The following ADK variants were observed in gnomAD, a reference collection of about 807,000 sequenced individuals.
The protein encoded by ADK is adenosine kinase, also known as N6,N6-dimethyladenosine kinase.
A neutral mutation model predicts 44.7 loss-of-function variants in ADK; 24 were observed. The ratio of observed to expected loss-of-function variants is 0.54; its 90% CI spans 0.39 to 0.76. ADK has a LOEUF of 0.76. Among genes scored for constraint, ADK ranks in the 30% least tolerant of loss-of-function variants. The probability of loss-of-function intolerance (pLI) is 0.00; values close to 1 mark genes in which losing one functional copy is unlikely to be tolerated. For synonymous variants in ADK, 128 were observed against 142.6 expected (o/e 0.90, Z 0.73); for missense variants, 321 against 425.1 (o/e 0.76, Z 2.15).
intron 9 of ADK, among the ~76,000 whole-genome samples, chr10:74,649,591 C>T (rs1854188153): frequency 6.6e-6 from 1 of 151,860 alleles, no homozygotes; most frequent in South Asian, 2.1e-4. Flanking sequence ...CACCACTGTA[C>T]TCCAACCTGG....
At chr10:74,189,434 C>CTAA (rs1842885653) in intron 1 of ADK, among the ~76,000 whole-genome samples, 1 of 152,134 alleles carries the variant, frequency 6.6e-6, no homozygotes, top group Non-Finnish European at 1.5e-5. Context: ...GTGAATGTTA[C>CTAA]CTGTGTCTCT....
At chr10:74,233,962 T>C (rs571721560) in intron 3 of ADK, among the ~76,000 whole-genome samples, 39 of 152,358 alleles carry the variant, frequency 2.6e-4, no homozygotes, top group Admixed American at 2.0e-3. Context: ...AAGATATATT[T>C]ATGGGATGAA....
intron 3 of ADK, among the ~76,000 whole-genome samples, chr10:74,313,011 T>C (rs7920097): frequency 0.036 from 5,379 of 148,706 alleles, 348 homozygotes; most frequent in African/African-American, 0.12. Flanking sequence ...AACAAACTTA[T>C]ACAATGTCTG....
chr10:74,246,593 CCATTGAATACTTCATTATCATGTG>C (rs1845424607), intron 3 of ADK, among the ~76,000 whole-genome samples: 2 of 152,148 alleles, frequency 1.3e-5, no homozygotes, highest in Admixed American at 6.5e-5. Context: ...ATTATCATGC[CCATTGAATACTTCATTATCATGTG>C]CATTGAATAT....
intron 4 of ADK, among the ~76,000 whole-genome samples, chr10:74,339,295 G>A (rs1295225531): frequency 6.6e-6 from 1 of 151,814 alleles, no homozygotes; most frequent in Non-Finnish European, 1.5e-5. Context: ...AGAATTTCTA[G>A]GATAACCAAT....
intron 6 of ADK, among the ~76,000 whole-genome samples, chr10:74,436,344 T>C (rs183129447): frequency 1.2e-4 from 19 of 152,160 alleles, no homozygotes; most frequent in African/African-American, 4.1e-4. Flanking sequence ...GAGGCGGAGG[T>C]TGCAGTGAGC....
chr10:74,188,067 T>C (rs749599913), intron 1 of ADK, among the ~76,000 whole-genome samples: 14 of 152,236 alleles, frequency 9.2e-5, no homozygotes, highest in Non-Finnish European at 1.8e-4. Context: ...TTAGCTGATA[T>C]ATAAGCATTC....
chr10:74,219,732 A>G (rs1844218107), intron 2 of ADK, among the ~76,000 whole-genome samples: 1 of 150,968 alleles, frequency 6.6e-6, no homozygotes. Context: ...AAACCGCTCA[A>G]CTACATGGAA....
At chr10:74,447,430 A>G (rs1434971731) in intron 6 of ADK, among the ~76,000 whole-genome samples, 1 of 152,186 alleles carries the variant, frequency 6.6e-6, no homozygotes, top group Non-Finnish European at 1.5e-5. Flanking sequence ...GCCATTACAA[A>G]TATGAATTTC....
intron 4 of ADK, among the ~76,000 whole-genome samples, chr10:74,379,115 G>A (rs1398632739): frequency 6.6e-6 from 1 of 152,038 alleles, no homozygotes; most frequent in East Asian, 1.9e-4. Flanking sequence ...TTTAGTGAGT[G>A]TTGTTGGAAG....
intron 9 of ADK, among the ~76,000 whole-genome samples, chr10:74,601,195 A>G (rs1443083764): frequency 6.6e-6 from 1 of 152,098 alleles, no homozygotes; most frequent in African/African-American, 2.4e-5. Flanking sequence ...TTCATAAAAT[A>G]TAAGTACAAA....
intron 10 of ADK, among the ~76,000 whole-genome samples, chr10:74,691,312 T>A (rs962674499): frequency 7.2e-5 from 11 of 152,234 alleles, no homozygotes; most frequent in African/African-American, 2.7e-4. Flanking sequence ...TGTTAGTTGC[T>A]GTAAAATATA....
At chr10:74,413,617 A>G (rs528306281) in intron 6 of ADK, among the ~76,000 whole-genome samples, 1 of 152,348 alleles carries the variant, frequency 6.6e-6, no homozygotes, top group Admixed American at 6.5e-5. Flanking sequence ...GATGTTCTAT[A>G]CAGACCAGTA....
At chr10:74,608,197 A>G (rs1008234087) in intron 9 of ADK, among the ~76,000 whole-genome samples, 8 of 151,524 alleles carry the variant, frequency 5.3e-5, no homozygotes, top group African/African-American at 1.9e-4. Flanking sequence ...GCTCGGCGGA[A>G]TTTGTTATTA....
intron 3 of ADK, among the ~76,000 whole-genome samples, chr10:74,273,704 C>T (rs1157566342): frequency 2.6e-5 from 4 of 152,086 alleles, no homozygotes; most frequent in Non-Finnish European, 4.4e-5. Flanking sequence ...GTGATCCACC[C>T]GCCTCGGCCT....
chr10:74,548,739 C>T (rs1849925269), intron 7 of ADK, among the ~76,000 whole-genome samples: 1 of 152,334 alleles, frequency 6.6e-6, no homozygotes, highest in African/African-American at 2.4e-5. Flanking sequence ...CTTTGTGTCT[C>T]ATTCACTGCT....
At chr10:74,506,990 C>T (rs1432997072) in intron 6 of ADK, among the ~76,000 whole-genome samples, 1 of 152,154 alleles carries the variant, frequency 6.6e-6, no homozygotes, top group Non-Finnish European at 1.5e-5. Context: ...AGTTCAAACC[C>T]AAGTTGTACA....
chr10:74,445,988 G>A (rs1285474328), intron 6 of ADK, among the ~76,000 whole-genome samples: 1 of 151,934 alleles, frequency 6.6e-6, no homozygotes, highest in East Asian at 1.9e-4. Flanking sequence ...ATTAATTGAA[G>A]CTACAGCTTA....
At chr10:74,306,875 T>C (rs1840269653) in intron 3 of ADK, among the ~76,000 whole-genome samples, 1 of 152,218 alleles carries the variant, frequency 6.6e-6, no homozygotes, top group Non-Finnish European at 1.5e-5. Context: ...CAGAGGTTTC[T>C]AGCTTAATTT....
Sources: allele counts gnomAD v4.1 joint callset (sites outside exome capture counted in the v4.1 genomes callset), GRCh38; gene constraint gnomAD v4.1.1; transcripts MANE v1.5; gene names NCBI Gene and HGNC (gene_info 2026-07-23, HGNC 2026-07-21).